PABPC4L: variants seen among roughly 807,000 people sequenced by gnomAD.
PABPC4L encodes polyadenylate-binding protein 4-like.
For synonymous variants in PABPC4L, 169 were observed against 164.1 expected (o/e 1.03, Z -0.23); for missense variants, 452 against 451.4 (o/e 1.00, Z -0.01).
chr4:134,146,401 A>G, the PABPC4L span, among the ~76,000 whole-genome samples: 1 of 152,022 alleles, frequency 6.6e-6, no homozygotes, highest in Non-Finnish European at 1.5e-5. Context: ...ATCAAATACA[A>G]ATGATATGGC....
the PABPC4L span, among the ~76,000 whole-genome samples, chr4:134,139,561 TA>T: frequency 1.8e-4 from 27 of 152,044 alleles, no homozygotes; most frequent in African/African-American, 6.5e-4. Context: ...TGCTTCCAAA[TA>T]AGGTCTATTT....
At chr4:134,140,376 G>A in the PABPC4L span, among the ~76,000 whole-genome samples, 3 of 151,536 alleles carry the variant, frequency 2.0e-5, no homozygotes, top group African/African-American at 7.3e-5. Flanking sequence ...AAATAACTTG[G>A]GAGACTGAAG....
chr4:134,047,462 G>A, the PABPC4L span, among the ~76,000 whole-genome samples: 1 of 152,148 alleles, frequency 6.6e-6, no homozygotes, highest in Admixed American at 6.6e-5. Context: ...CCCATAGCTA[G>A]AGGCACGTCT....
the PABPC4L span, among the ~76,000 whole-genome samples, chr4:134,085,015 G>C: frequency 6.6e-6 from 1 of 152,054 alleles, no homozygotes; most frequent in African/African-American, 2.4e-5. Flanking sequence ...CCCCACACAG[G>C]AACAGCAGAG....
the PABPC4L span, among the ~76,000 whole-genome samples, chr4:134,090,290 T>C: frequency 1.3e-5 from 2 of 152,178 alleles, no homozygotes; most frequent in Admixed American, 6.5e-5. Context: ...TGTCTTGTGA[T>C]TTTATACTCA....
the PABPC4L span, among the ~76,000 whole-genome samples, chr4:134,086,398 C>T: frequency 6.6e-6 from 1 of 152,144 alleles, no homozygotes; most frequent in Non-Finnish European, 1.5e-5. Flanking sequence ...GATGCATCAT[C>T]TACTCTCTAT....
the PABPC4L span, among the ~76,000 whole-genome samples, chr4:134,082,607 TAAG>T: frequency 6.6e-6 from 1 of 152,130 alleles, no homozygotes; most frequent in East Asian, 1.9e-4. Context: ...ATATAAAAAC[TAAG>T]AAGAACAAAA....
the PABPC4L span, among the ~76,000 whole-genome samples, chr4:134,076,075 T>C: frequency 6.6e-6 from 1 of 152,142 alleles, no homozygotes; most frequent in Admixed American, 6.6e-5. Flanking sequence ...CTACCTTTTT[T>C]TTTGAATGCA....
the PABPC4L span, among the ~76,000 whole-genome samples, chr4:133,958,537 A>G: frequency 6.6e-6 from 1 of 152,196 alleles, no homozygotes; most frequent in Non-Finnish European, 1.5e-5. Context: ...GCATCAGTTT[A>G]CCATATTAAT....
chr4:134,150,780 T>G, the PABPC4L span, among the ~76,000 whole-genome samples: 1 of 152,184 alleles, frequency 6.6e-6, no homozygotes. Context: ...ATTAATTAAT[T>G]AAATCCTCAC....
chr4:133,974,000 T>TAATCTAAATCTA, the PABPC4L span, among the ~76,000 whole-genome samples: 5 of 152,104 alleles, frequency 3.3e-5, no homozygotes, highest in Admixed American at 6.6e-5. Flanking sequence ...AGGCTTGAGA[T>TAATCTAAATCTA]AATCTAAATC....
At chr4:134,058,898 T>C in the PABPC4L span, among the ~76,000 whole-genome samples, 79 of 152,102 alleles carry the variant, frequency 5.2e-4, no homozygotes, top group African/African-American at 1.9e-3. Context: ...AGTAAATTAG[T>C]TTAGAGTGTT....
chr4:134,030,207 C>T, the PABPC4L span, among the ~76,000 whole-genome samples: 9 of 151,822 alleles, frequency 5.9e-5, no homozygotes, highest in East Asian at 1.9e-4. Context: ...TAAAGATACC[C>T]GAAAATGTGG....
chr4:134,185,195 G>T, the PABPC4L span, among the ~76,000 whole-genome samples: 2 of 151,566 alleles, frequency 1.3e-5, no homozygotes, highest in African/African-American at 2.4e-5. Context: ...TGTGTCTTTG[G>T]TGTGGTATCT....
At chr4:133,990,586 C>T in the PABPC4L span, among the ~76,000 whole-genome samples, 1 of 152,082 alleles carries the variant, frequency 6.6e-6, no homozygotes, top group Non-Finnish European at 1.5e-5. Flanking sequence ...TGCTTAGCAC[C>T]ACCAATGAGA....
chr4:133,976,986 C>T, the PABPC4L span, among the ~76,000 whole-genome samples: 1 of 152,174 alleles, frequency 6.6e-6, no homozygotes, highest in African/African-American at 2.4e-5. Flanking sequence ...AAAATCTTTG[C>T]CCATGTCTAT....
chr4:134,134,830 A>T, the PABPC4L span, among the ~76,000 whole-genome samples: 3 of 151,912 alleles, frequency 2.0e-5, no homozygotes, highest in African/African-American at 2.4e-5. Context: ...TGTGTCTTCA[A>T]TTTCCTGCTG....
At chr4:134,069,083 A>T in the PABPC4L span, among the ~76,000 whole-genome samples, 48 of 152,200 alleles carry the variant, frequency 3.2e-4, no homozygotes, top group African/African-American at 1.1e-3. Flanking sequence ...TCCTTCGCTT[A>T]TGAAGCTTCA....
the PABPC4L span, among the ~76,000 whole-genome samples, chr4:133,986,338 G>A: frequency 2.6e-5 from 4 of 151,774 alleles, no homozygotes; most frequent in Non-Finnish European, 5.9e-5. Flanking sequence ...CAAACCAGAA[G>A]CAGAATAAAA....
Sources: gnomAD v4.1 joint callset for allele counts (sites outside exome capture counted in the v4.1 genomes callset) on GRCh38, gnomAD v4.1.1 for gene constraint, MANE v1.5 for transcripts, NCBI Gene and HGNC (gene_info 2026-07-23, HGNC 2026-07-21) for gene names.